NAF1: variants seen among roughly 807,000 people sequenced by gnomAD.
NAF1 encodes nuclear assembly factor 1 ribonucleoprotein, also known as H/ACA ribonucleoprotein complex non-core subunit NAF1.
In NAF1, 11 loss-of-function variants were observed where a neutral mutation model predicts 40.6. That is an observed-to-expected ratio of 0.27 (90% CI 0.17 to 0.45). The LOEUF is 0.45. Ranked by LOEUF, NAF1 falls within the 20% of genes least tolerant of loss-of-function variation. NAF1 has a pLI of 1.00. For missense variants in NAF1, 607 were observed against 611.1 expected (o/e 0.99, Z 0.07); for synonymous variants, 260 against 228.5 (o/e 1.14, Z -1.24).
chr4:163,117,824 A>T (rs537384644), intron 2 of NAF1, among the ~76,000 whole-genome samples: 1 of 152,170 alleles, frequency 6.6e-6, no homozygotes, highest in African/African-American at 2.4e-5. Flanking sequence ...GATCATATAA[A>T]GATCAACCCA....
At chr4:163,125,072 A>G (rs1432390165), downstream of NAF1, among the ~76,000 whole-genome samples, 2 of 152,230 alleles carry the variant, frequency 1.3e-5, no homozygotes, top group African/African-American at 2.4e-5. Context: ...CATATAATAT[A>G]GTGAACTTAA....
At position 163,166,601 on chromosome 4, in the gene NAF1, G is replaced by A. The variant is rs12331663; in HGVS notation, c.127C>T (p.Pro43Ser). 8,296 of 1,610,604 alleles carry A rather than the reference G, an allele frequency of 5.2e-3. 376 individuals are homozygous for A. The African/African-American group carries it at 0.096, about 19-fold the overall frequency. ...GSAPVPGTQP[P>S]LQSFEGSPDA... Reference sequence around the variant, plus strand: ...GGGGACCCCTCAAACGACTGTAGCGGCGGCTGTGTCCCTGGCACAGGGGCA... The same window carrying A: ...GGGGACCCCTCAAACGACTGTAGCGACGGCTGTGTCCCTGGCACAGGGGCA... Residue 43 changes from proline (P) to serine (S), a missense_variant, in exon 1 of 8, where the codon CCG becomes TCG. By Grantham distance (74) the Pro-to-Ser change is moderately conservative. This residue lies in a region of NAF1 where 407 missense variants were observed against 365.5 expected (regional missense o/e 1.11). Transcript: ENST00000274054.
chr4:163,112,900 A>C (rs1002375163), intron 2 of NAF1, among the ~76,000 whole-genome samples: 2 of 152,200 alleles, frequency 1.3e-5, no homozygotes, highest in Non-Finnish European at 2.9e-5. Context: ...CTAGGAAAAA[A>C]ATATTGCAGC....
chr4:163,130,662 G>T (rs1056644792), intron 7 of NAF1, among the ~76,000 whole-genome samples: 1 of 152,178 alleles, frequency 6.6e-6, no homozygotes, highest in Non-Finnish European at 1.5e-5. Context: ...GATATTTAAC[G>T]AAGGAGCAAA....
intron 4 of NAF1, among the ~76,000 whole-genome samples, chr4:163,140,844 C>T (rs924327083): frequency 1.1e-4 from 17 of 152,162 alleles, no homozygotes; most frequent in African/African-American, 3.6e-4. Context: ...GCTGTTTCCA[C>T]AGTGTTAGGA....
intron 3 of NAF1, among the ~76,000 whole-genome samples, chr4:163,147,603 C>CA (rs897860026): frequency 6.6e-6 from 1 of 152,020 alleles, no homozygotes; most frequent in Non-Finnish European, 1.5e-5. Flanking sequence ...GTTTTTAAGA[C>CA]AAAATCAAAG....
At chr4:163,124,113 C>T (rs568117677), downstream of NAF1, among the ~76,000 whole-genome samples, 2 of 152,346 alleles carry the variant, frequency 1.3e-5, no homozygotes, top group East Asian at 3.9e-4. Flanking sequence ...CTCAGCTACT[C>T]AAAAGGCTGA....
chr4:163,104,075 G>T, the NAF1 span, among the ~76,000 whole-genome samples: 1 of 152,086 alleles, frequency 6.6e-6, no homozygotes, highest in Non-Finnish European at 1.5e-5. Context: ...GTTCTCTTGC[G>T]GGTAGGGGTG....
At chr4:163,151,582 A>G (rs1731710045) in intron 2 of NAF1, among the ~76,000 whole-genome samples, 1 of 152,092 alleles carries the variant, frequency 6.6e-6, no homozygotes. Flanking sequence ...TCTCCATTCA[A>G]TTTCACTGAT....
At chr4:163,114,309 T>C (rs541686132) in intron 2 of NAF1, among the ~76,000 whole-genome samples, 3 of 152,368 alleles carry the variant, frequency 2.0e-5, no homozygotes, top group East Asian at 1.9e-4. Context: ...AAGCTAGAGC[T>C]ACCTGTGTCT....
intron 2 of NAF1, among the ~76,000 whole-genome samples, chr4:163,117,144 T>C (rs1209974894): frequency 6.6e-6 from 1 of 152,202 alleles, no homozygotes; most frequent in African/African-American, 2.4e-5. Flanking sequence ...TATCTTTTAT[T>C]TTTTAAGATT....
chr4:163,154,844 C>G (rs951045854), intron 2 of NAF1, among the ~76,000 whole-genome samples: 5 of 151,210 alleles, frequency 3.3e-5, no homozygotes, highest in Admixed American at 3.3e-4. Context: ...GCACTCCAGC[C>G]TGGGCGACAG....
At chr4:163,130,823 G>A (rs903580337) in intron 7 of NAF1, among the ~76,000 whole-genome samples, 1 of 152,218 alleles carries the variant, frequency 6.6e-6, no homozygotes, top group Non-Finnish European at 1.5e-5. Context: ...GTAAAATGCA[G>A]AATTACAAAA....
At chr4:163,121,022 G>C (rs1730504386) in intron 2 of NAF1, among the ~76,000 whole-genome samples, 1 of 151,984 alleles carries the variant, frequency 6.6e-6, no homozygotes, top group South Asian at 2.1e-4. Flanking sequence ...CTCCCGAGTA[G>C]CTGGAATTAC....
intron 2 of NAF1, among the ~76,000 whole-genome samples, chr4:163,153,130 C>T (rs748949480): frequency 1.4e-4 from 21 of 152,230 alleles, no homozygotes; most frequent in Non-Finnish European, 2.4e-4. Flanking sequence ...AGCCTTCCCC[C>T]GCCTCCGTGG....
chr4:163,133,187 G>C lies in NAF1; in HGVS notation c.1000C>G (p.Arg334Gly), dbSNP rs764535576. 1.2e-6 allele frequency: 2 copies of C among 1,613,422 alleles called. No individual in the cohort carries two copies. The highest frequency in any genetic ancestry group is 2.7e-5 in the African/African-American group (2 of 74,828). Residue 334 changes from arginine (R) to glycine (G), a missense_variant, in exon 7 of 8, where the codon CGG (arginine) becomes GGG (glycine). Coordinates refer to ENST00000274054, the MANE Select transcript of NAF1 (RefSeq NM_138386.3). ...KQRKKSQIQG[R>G]KKLKSEFNEP... ...TTAAATTCAGATTTGAGTTTTTTCC[G>C]GCCTTGAATCTGAGATTTTTTCCTC...
chr4:163,166,311 G>A, intron 1 of NAF1, 52 bp downstream of exon 1: 2 of 1,513,374 alleles, frequency 1.3e-6, no homozygotes, highest in South Asian at 1.3e-5. Context: ...AGCCACCCCC[G>A]CCCGTCATAC....
intron 2 of NAF1, among the ~76,000 whole-genome samples, chr4:163,111,061 A>C (rs1169795952): frequency 1.3e-5 from 2 of 152,172 alleles, no homozygotes; most frequent in Admixed American, 6.6e-5. Context: ...TATATCTCGC[A>C]AAAAAACTTT....
At chr4:163,146,680 C>T (rs188519042) in intron 3 of NAF1, among the ~76,000 whole-genome samples, 2 of 152,276 alleles carry the variant, frequency 1.3e-5, no homozygotes, top group African/African-American at 2.4e-5. Context: ...AGGCTGGGCA[C>T]GGTGGCTCAC....
Sources: allele counts gnomAD v4.1 joint callset (sites outside exome capture counted in the v4.1 genomes callset), GRCh38; gene constraint gnomAD v4.1.1; regional missense constraint gnomAD v4.1.1; transcripts MANE v1.5; gene names NCBI Gene and HGNC (gene_info 2026-07-23, HGNC 2026-07-21).